Variants in GTPBP10 observed in about 807,000 individuals in gnomAD.
GTPBP10 encodes GTP-binding protein 10.
GTPBP10 carries 38 observed loss-of-function variants against 44.8 expected under a neutral mutation model. That is an observed-to-expected ratio of 0.85 (90% CI 0.65 to 1.11). GTPBP10 has a LOEUF of 1.11. GTPBP10 is among the 50% of genes most tolerant of loss of function. The pLI is 0.00. For missense variants in GTPBP10, 462 were observed against 453.7 expected, an observed-to-expected ratio of 1.02 and a Z score of -0.17; for synonymous variants, 152 against 150.6, an observed-to-expected ratio of 1.01 and a Z score of -0.07.
At chr7:90,377,044 C>T (rs1288474050) in intron 6 of GTPBP10, among the ~76,000 whole-genome samples, 3 of 152,026 alleles carry the variant, frequency 2.0e-5, no homozygotes, top group East Asian at 1.9e-4. Context: ...TGCAAGATAG[C>T]GAGACCCTGT....
At chr7:90,368,878 G>A (rs1796191794) in intron 4 of GTPBP10, among the ~76,000 whole-genome samples, 3 of 152,118 alleles carry the variant, frequency 2.0e-5, no homozygotes, top group African/African-American at 7.2e-5. Context: ...AGGCACTCTG[G>A]TTTTTGGAAT....
chr7:90,354,457 G>A lies in GTPBP10; in HGVS notation c.228-1G>A. 5 of 1,523,078 alleles carry A rather than the reference G, an allele frequency of 3.3e-6. No individual in the cohort carries two copies. The highest frequency in any genetic ancestry group is 2.0e-5 in the Admixed American group (1 of 49,220). The allele number at this position is 1,523,078 out of a possible 1,614,324, so 94.3% of individuals were successfully genotyped here. A position where few individuals can be genotyped will look rare whatever the true frequency, so the allele number is the denominator to read the frequency against. ...ACATATATATACTTTTTTTTTGGTA[G>A]AATTAGTGCACTGAAAGGCTCCAAA... On this transcript the variant is annotated splice_acceptor_variant, in intron 2 of 9. Transcript: ENST00000222511. LOFTEE classifies it high-confidence loss of function.
At chr7:90,368,693 T>C (rs923584993) in intron 4 of GTPBP10, among the ~76,000 whole-genome samples, 17 of 152,122 alleles carry the variant, frequency 1.1e-4, no homozygotes, top group African/African-American at 3.6e-4. Flanking sequence ...GCCATTCGTC[T>C]AACCTTTTTT....
At chr7:90,368,450 C>G (rs1276135521) in intron 4 of GTPBP10, among the ~76,000 whole-genome samples, 2 of 152,212 alleles carry the variant, frequency 1.3e-5, no homozygotes, top group African/African-American at 4.8e-5. Context: ...GGTCTTTTCA[C>G]ATAGTCCCAT....
intron 4 of GTPBP10, among the ~76,000 whole-genome samples, chr7:90,366,036 C>T (rs10246866): frequency 0.014 from 2,072 of 152,172 alleles, 57 homozygotes; most frequent in African/African-American, 0.046. Flanking sequence ...TGGTTTTTGT[C>T]GTTGCTTCTG....
intron 6 of GTPBP10, among the ~76,000 whole-genome samples, chr7:90,376,006 C>T (rs1379948121): frequency 6.6e-6 from 1 of 150,806 alleles, no homozygotes; most frequent in African/African-American, 2.4e-5. Context: ...GCAGGCAGAT[C>T]ACGAGGTTAG....
intron 8 of GTPBP10, among the ~76,000 whole-genome samples, chr7:90,380,237 C>T (rs1796413363): frequency 6.6e-6 from 1 of 152,026 alleles, no homozygotes; most frequent in Non-Finnish European, 1.5e-5. Context: ...TGCCACCACG[C>T]CCATCTAATT....
At position 90,386,391 on chromosome 7, in the gene GTPBP10, T is replaced by C. The variant is rs1200470655; in HGVS notation, c.*1237T>C. Reference sequence around the variant, plus strand: ...GATTTGAGCTTTTGGAAAATTTTCGTTTCTTGAATGTAATAGTATTTTTTC... The same window carrying C: ...GATTTGAGCTTTTGGAAAATTTTCGCTTCTTGAATGTAATAGTATTTTTTC... On this transcript the variant is annotated 3_prime_UTR_variant, in exon 10 of 10. Coordinates refer to ENST00000222511, the MANE Select transcript of GTPBP10 (RefSeq NM_033107.4). 6.6e-6 allele frequency: 1 copy of C among 152,226 alleles called. No homozygotes were observed. Among genetic ancestry groups the C allele is most frequent in the Non-Finnish European group, 1.5e-5 (1 of 68,040 alleles). 9.4% of individuals were successfully genotyped at this position (152,226 alleles called of 1,614,324 possible). A position where few individuals can be genotyped will look rare whatever the true frequency, so the allele number is the denominator to read the frequency against.
At position 90,390,620 on chromosome 7, in the gene GTPBP10, A is replaced by C. The variant is rs951518911; in HGVS notation, c.*5466A>C. On this transcript the variant is annotated 3_prime_UTR_variant, in exon 10 of 10. Coordinates refer to ENST00000222511, the MANE Select transcript of GTPBP10 (RefSeq NM_033107.4). Reference sequence around the variant, plus strand: ...AGGACATGCAGCTTATGTTATAATTAATTTGCGAGCAATATATGGCATGAT... The same window carrying C: ...AGGACATGCAGCTTATGTTATAATTCATTTGCGAGCAATATATGGCATGAT... 6 of 152,214 alleles carry C rather than the reference A, an allele frequency of 3.9e-5. No homozygotes were observed. Among genetic ancestry groups the C allele is most frequent in the African/African-American group, 1.4e-4 (6 of 41,450 alleles). 9.4% of individuals were successfully genotyped at this position (152,214 alleles called of 1,614,324 possible).
chr7:90,358,258 G>A (rs745452283), intron 4 of GTPBP10, among the ~76,000 whole-genome samples: 2 of 152,034 alleles, frequency 1.3e-5, no homozygotes, highest in Non-Finnish European at 2.9e-5. Flanking sequence ...GAGAACTACA[G>A]AACACTGCTG....
intron 8 of GTPBP10, among the ~76,000 whole-genome samples, chr7:90,379,185 G>GT (rs1796394342): frequency 6.6e-6 from 1 of 152,180 alleles, no homozygotes; most frequent in East Asian, 1.9e-4. Context: ...AGCCCTGTCA[G>GT]TTTTTTATCC....
intron 9 of GTPBP10, among the ~76,000 whole-genome samples, chr7:90,384,601 C>CA (rs1554399498): frequency 1.3e-5 from 2 of 151,746 alleles, no homozygotes; most frequent in African/African-American, 2.4e-5. Context: ...TTAACCCCCC[C>CA]CACACACACA....
In GTPBP10 at chr7:90,388,953, A is replaced by G. The variant is rs751684263; in HGVS notation, c.*3799A>G. ...AAAAATAATTTTTCAAAGCAACAGC[A>G]CAGATGCACTTTAAAACTGTAGCTT... On this transcript the variant is annotated 3_prime_UTR_variant, in exon 10 of 10. Transcript: ENST00000222511. 4 of 152,270 alleles carry G rather than the reference A, an allele frequency of 2.6e-5. No individual in the cohort carries two copies. The highest frequency in any genetic ancestry group is 7.2e-5 in the African/African-American group (3 of 41,480). The allele number at this position is 152,270 out of a possible 1,614,324, so 9.4% of individuals were successfully genotyped here.
At chr7:90,365,368 C>CTTT (rs59645149) in intron 4 of GTPBP10, among the ~76,000 whole-genome samples, 11,295 of 89,692 alleles carry the variant, frequency 0.13, 1,741 homozygotes, top group African/African-American at 0.22. Flanking sequence ...TTGGGGTTTT[C>CTTT]TTTTTTTTTT....
intron 1 of GTPBP10, among the ~76,000 whole-genome samples, chr7:90,347,778 C>T (rs1031343716): frequency 1.3e-5 from 2 of 152,012 alleles, no homozygotes; most frequent in African/African-American, 2.4e-5. Context: ...TTTGGAAAGA[C>T]GTTAGAAAAT....
rs139280876 is a variant in GTPBP10 at position 90,376,581 on chromosome 7, C to T, written c.592-926C>T. On this transcript the variant is annotated intron_variant, in intron 6 of 9. Transcript: ENST00000222511. ...CTTAAGTATAAACAATAATGACCTA[C>T]AAAAATGTGAAGCATTAACAAACAT... Among the ~76,000 whole-genome samples the T allele has an allele frequency of 6.0e-3, 906 of 152,246 alleles. 5 individuals are homozygous for T. The highest frequency in any genetic ancestry group is 0.01 in the Non-Finnish European group (714 of 68,008).
chr7:90,349,958 C>T (rs937380402), intron 1 of GTPBP10, among the ~76,000 whole-genome samples: 1 of 151,646 alleles, frequency 6.6e-6, no homozygotes, highest in Non-Finnish European at 1.5e-5. Context: ...TTCTAGGGTA[C>T]ATGTACACAG....
chr7:90,371,457 G>T (rs1389036642), intron 4 of GTPBP10, among the ~76,000 whole-genome samples: 3 of 152,134 alleles, frequency 2.0e-5, no homozygotes, highest in African/African-American at 7.2e-5. Context: ...ATTTTTTGCA[G>T]ACAATAGAGG....
chr7:90,370,005 G>A (rs981811912), intron 4 of GTPBP10, among the ~76,000 whole-genome samples: 4 of 150,526 alleles, frequency 2.7e-5, no homozygotes, highest in Non-Finnish European at 6.0e-5. Flanking sequence ...TGGAGACTCA[G>A]AGGGAGGAAG....
Sources: allele counts gnomAD v4.1 joint callset (sites outside exome capture counted in the v4.1 genomes callset), GRCh38; gene constraint gnomAD v4.1.1; transcripts MANE v1.5; gene names NCBI Gene and HGNC (gene_info 2026-07-23, HGNC 2026-07-21).